PLA2G4A: variants seen among roughly 807,000 people sequenced by gnomAD.
PLA2G4A encodes the protein phospholipase A2 group IVA.
A neutral mutation model predicts 81.9 loss-of-function variants in PLA2G4A; 40 were observed. The ratio of observed to expected loss-of-function variants is 0.49; its 90% CI spans 0.38 to 0.64. The LOEUF (loss-of-function observed/expected upper bound fraction) is 0.64. Among genes scored for constraint, PLA2G4A ranks in the 30% least tolerant of loss-of-function variants. The probability of loss-of-function intolerance (pLI) is 0.00; values close to 1 mark genes in which losing one functional copy is unlikely to be tolerated. For synonymous variants in PLA2G4A, 302 were observed against 296.9 expected, an observed-to-expected ratio of 1.02 and a Z score of -0.18; for missense variants, 715 against 905.1, an observed-to-expected ratio of 0.79 and a Z score of 2.69.
At chr1:186,960,885 G>A (rs1388897747) in intron 14 of PLA2G4A, among the ~76,000 whole-genome samples, 1 of 152,164 alleles carries the variant, frequency 6.6e-6, no homozygotes, top group Middle Eastern at 3.2e-3. Flanking sequence ...AGTACTTTAA[G>A]TTGTTGAATT....
intron 15 of PLA2G4A, among the ~76,000 whole-genome samples, chr1:186,975,852 T>G (rs554013869): frequency 4.3e-4 from 66 of 152,310 alleles, no homozygotes; most frequent in Admixed American, 1.0e-3. Context: ...GAGCTGGGCC[T>G]TTCACGCTGC....
chr1:186,884,133 A>T (rs574998364), intron 3 of PLA2G4A, among the ~76,000 whole-genome samples: 2 of 152,238 alleles, frequency 1.3e-5, no homozygotes, highest in East Asian at 3.9e-4. Context: ...GTGTAAGGAT[A>T]CTTTTACTTC....
At chr1:186,940,507 C>A (rs1300537280) in intron 10 of PLA2G4A, among the ~76,000 whole-genome samples, 4 of 152,216 alleles carry the variant, frequency 2.6e-5, no homozygotes, top group Admixed American at 2.0e-4. Context: ...TGGTTCCAGG[C>A]CCCCCTGTGG....
intron 8 of PLA2G4A, among the ~76,000 whole-genome samples, chr1:186,937,592 G>A (rs1323353165): frequency 2.6e-5 from 4 of 151,206 alleles, no homozygotes; most frequent in Non-Finnish European, 5.9e-5. Context: ...GATCCATTGT[G>A]GGTCTGTTAC....
chr1:186,969,229 C>T (rs1657255299), intron 15 of PLA2G4A, among the ~76,000 whole-genome samples: 1 of 150,054 alleles, frequency 6.7e-6, no homozygotes, highest in Admixed American at 6.7e-5. Context: ...ATTTTTTTCA[C>T]TGTATTTTCT....
intron 6 of PLA2G4A, among the ~76,000 whole-genome samples, chr1:186,909,530 C>T (rs1654865589): frequency 1.3e-5 from 2 of 151,100 alleles, no homozygotes; most frequent in South Asian, 4.2e-4. Context: ...TGTATTGGTG[C>T]GTGCCTGTAA....
chr1:186,951,644 C>A (rs1033331413), intron 13 of PLA2G4A, among the ~76,000 whole-genome samples: 3 of 152,074 alleles, frequency 2.0e-5, no homozygotes, highest in East Asian at 3.8e-4. Flanking sequence ...CTGTTTTATC[C>A]TTGCTTAATT....
intron 3 of PLA2G4A, among the ~76,000 whole-genome samples, chr1:186,872,686 G>T (rs537692121): frequency 2.6e-5 from 4 of 152,084 alleles, no homozygotes; most frequent in Admixed American, 1.3e-4. Flanking sequence ...TTTGGCAATG[G>T]TTATTTATTA....
rs141123165 is a variant in PLA2G4A at position 186,883,251 on chromosome 1, G to T, written c.116-9760G>T. On this transcript the variant is annotated intron_variant, in intron 3 of 17. Coordinates refer to ENST00000367466, the MANE Select transcript of PLA2G4A (RefSeq NM_024420.3). Reference sequence around the variant, plus strand: ...AGAACTGATTCAGAGTAACTAAACAGGATTGAACTATTTCAAAATATATTA... The same window carrying T: ...AGAACTGATTCAGAGTAACTAAACATGATTGAACTATTTCAAAATATATTA... Among the ~76,000 whole-genome samples the T allele has an allele frequency of 5.9e-4, 89 of 152,000 alleles. No homozygotes were observed. The East Asian group carries it at 9.5e-3, about 16-fold the overall frequency.
chr1:186,917,486 T>C (rs1655181837), intron 7 of PLA2G4A, among the ~76,000 whole-genome samples: 1 of 152,230 alleles, frequency 6.6e-6, no homozygotes. Flanking sequence ...TTCCCTAAAC[T>C]ATTTTTGATA....
intron 2 of PLA2G4A, among the ~76,000 whole-genome samples, chr1:186,858,119 C>T (rs1247340225): frequency 1.3e-5 from 2 of 152,100 alleles, no homozygotes; most frequent in Admixed American, 6.6e-5. Context: ...TGGGTTTATA[C>T]TCAGTAATGG....
At chr1:186,845,829 G>A (rs775576161) in intron 1 of PLA2G4A, among the ~76,000 whole-genome samples, 1 of 152,076 alleles carries the variant, frequency 6.6e-6, no homozygotes, top group Non-Finnish European at 1.5e-5. Flanking sequence ...AATGCCAACA[G>A]TTACATTGCA....
At chr1:186,875,250 A>C (rs1276187215) in intron 3 of PLA2G4A, among the ~76,000 whole-genome samples, 1 of 152,042 alleles carries the variant, frequency 6.6e-6, no homozygotes, top group Non-Finnish European at 1.5e-5. Flanking sequence ...AGATTCTAAG[A>C]CTTTTGTTTT....
intron 3 of PLA2G4A, among the ~76,000 whole-genome samples, chr1:186,872,216 C>G (rs903101635): frequency 6.6e-6 from 1 of 152,124 alleles, no homozygotes; most frequent in Admixed American, 6.6e-5. Flanking sequence ...TGAAGTTATT[C>G]TTATTTTGCT....
chr1:186,847,567 T>C (rs548074842), intron 1 of PLA2G4A, among the ~76,000 whole-genome samples: 2 of 152,232 alleles, frequency 1.3e-5, no homozygotes, highest in East Asian at 1.9e-4. Context: ...ACTACTAAAA[T>C]GGATAGTGAA....
At chr1:186,983,694 A>C (rs1393979793) in intron 17 of PLA2G4A, among the ~76,000 whole-genome samples, 2 of 144,552 alleles carry the variant, frequency 1.4e-5, no homozygotes, top group African/African-American at 5.1e-5. Context: ...GTAGTATTTC[A>C]ATTTTTTTTC....
chr1:186,840,937 G>A (rs1571324379), intron 1 of PLA2G4A, among the ~76,000 whole-genome samples: 1 of 152,214 alleles, frequency 6.6e-6, no homozygotes, highest in African/African-American at 2.4e-5. Context: ...AGAGAGAAAA[G>A]ATGTAGAAGT....
At chr1:186,868,828 G>A (rs1653130865) in intron 2 of PLA2G4A, among the ~76,000 whole-genome samples, 1 of 151,592 alleles carries the variant, frequency 6.6e-6, no homozygotes, top group African/African-American at 2.4e-5. Context: ...GTTGTTTGTA[G>A]TATTTCTTCT....
At chr1:186,894,303 T>G (rs1571375310) in intron 5 of PLA2G4A, 92 bp downstream of exon 5, 2 of 713,514 alleles carry the variant, frequency 2.8e-6, no homozygotes, top group East Asian at 5.2e-5. Flanking sequence ...AAAATTGTAT[T>G]TATTTGTTCA....
Sources: gnomAD v4.1 joint callset for allele counts (sites outside exome capture counted in the v4.1 genomes callset) on GRCh38, gnomAD v4.1.1 for gene constraint, MANE v1.5 for transcripts, NCBI Gene and HGNC (gene_info 2026-07-23, HGNC 2026-07-21) for gene names.